The following SLC9B1 variants were observed in gnomAD, a reference collection of about 807,000 sequenced individuals.
The protein encoded by SLC9B1 is solute carrier family 9 member B1, also known as sodium/hydrogen exchanger 9B1.
A neutral mutation model predicts 51.7 loss-of-function variants in SLC9B1; 32 were observed. That is an observed-to-expected ratio of 0.62 (90% CI 0.47 to 0.83). The LOEUF (loss-of-function observed/expected upper bound fraction) is 0.83, where lower values mean the gene tolerates loss of function less well. SLC9B1 is among the 40% of genes least tolerant of loss of function. The pLI, the probability that SLC9B1 is intolerant of heterozygous loss-of-function variation, is 0.00. For missense variants in SLC9B1, 406 were observed against 613.2 expected, an observed-to-expected ratio of 0.66 and a Z score of 3.57; for synonymous variants, 145 against 212.7, an observed-to-expected ratio of 0.68 and a Z score of 2.77.
chr4:102,964,254 A>G (rs1738301758), intron 3 of SLC9B1, among the ~76,000 whole-genome samples: 3 of 151,620 alleles, frequency 2.0e-5, no homozygotes, highest in Admixed American at 2.0e-4. Flanking sequence ...TCAAGGAAAA[A>G]GGAAAAAAAA....
intron 7 of SLC9B1, among the ~76,000 whole-genome samples, chr4:102,930,474 A>T (rs1321783894): frequency 6.6e-6 from 1 of 152,182 alleles, no homozygotes; most frequent in Admixed American, 6.5e-5. Flanking sequence ...CAGGCTGGAT[A>T]GCTCACTACG....
intron 3 of SLC9B1, among the ~76,000 whole-genome samples, chr4:102,966,697 G>A (rs1738444765): frequency 6.6e-6 from 1 of 152,000 alleles, no homozygotes; most frequent in Admixed American, 6.6e-5. Flanking sequence ...ATGTCTTCAG[G>A]GCCTTTAAAA....
rs1459781577 is a variant in SLC9B1, at chr4:102,989,813, T to C, written c.198A>G (p.Val66=). 6.3e-7 allele frequency: 1 copy of C among 1,576,468 alleles called. No individual in the cohort carries two copies. The highest frequency in any genetic ancestry group is 2.3e-5 in the East Asian group (1 of 44,322). The change falls in exon 3 of 12, where the codon GTA becomes GTG. Residue 66 remains valine, a synonymous_variant. Coordinates refer to ENST00000296422, the MANE Select transcript of SLC9B1 (RefSeq NM_139173.4). ...ISCPLRGVLN[V]IITNGVILFV... ...TGTTTCACATACCATTTGTAATAAT[T>C]ACATTCAATACTCCTCTTAGAGGAC...
Position 103,019,635 on chromosome 4 carries a change from C to A in SLC9B1, c.-38G>T. On this transcript the variant is annotated 5_prime_UTR_variant, in exon 1 of 12. Coordinates refer to ENST00000296422, the MANE Select transcript of SLC9B1 (RefSeq NM_139173.4). ...TTCGCAGCCCTCGCTGGCCCGGGAG[C>A]GGCCCAGGAGCCCAGTGACCGTTGC... 1 of 985,468 alleles carries A rather than the reference C, an allele frequency of 1.0e-6. No homozygotes were observed. Among genetic ancestry groups the A allele is most frequent in the Non-Finnish European group, 1.2e-6 (1 of 829,964 alleles). The allele number at this position is 985,468 out of a possible 1,614,324, so 61.0% of individuals were successfully genotyped here. A position where few individuals can be genotyped will look rare whatever the true frequency, so the allele number is the denominator to read the frequency against.
At chr4:102,996,952 A>T (rs1578409729) in intron 1 of SLC9B1, among the ~76,000 whole-genome samples, 1 of 148,018 alleles carries the variant, frequency 6.8e-6, no homozygotes, top group Non-Finnish European at 1.5e-5. Context: ...ATGTCCAGCA[A>T]TTTTTTTTTT....
intron 3 of SLC9B1, chr4:102,963,381 C>G: frequency 4.7e-6 from 1 of 214,082 alleles, no homozygotes; most frequent in Non-Finnish European, 9.5e-6. Context: ...GAACAAGTGT[C>G]CTTCAGAACC....
chr4:102,931,673 C>A (rs1194287606), intron 7 of SLC9B1, among the ~76,000 whole-genome samples: 1 of 152,244 alleles, frequency 6.6e-6, no homozygotes, highest in East Asian at 1.9e-4. Context: ...AGGATCTTGT[C>A]CTAACACTAC....
intron 11 of SLC9B1, among the ~76,000 whole-genome samples, chr4:102,887,092 ATT>A (rs1005285750): frequency 6.6e-6 from 1 of 152,202 alleles, no homozygotes; most frequent in Non-Finnish European, 1.5e-5. Context: ...CCTGTTGTCT[ATT>A]TTAATCACTC....
intron 7 of SLC9B1, among the ~76,000 whole-genome samples, chr4:102,922,738 C>T (rs537357095): frequency 1.4e-4 from 21 of 152,232 alleles, no homozygotes; most frequent in Admixed American, 9.8e-4. Context: ...CCACTGAGCC[C>T]ATGGAAATAC....
chr4:102,916,515 T>C (rs1229244788), intron 7 of SLC9B1, among the ~76,000 whole-genome samples: 3 of 152,192 alleles, frequency 2.0e-5, no homozygotes, highest in Admixed American at 6.5e-5. Context: ...CTTTCAATTA[T>C]GGATACAATA....
downstream of SLC9B1, among the ~76,000 whole-genome samples, chr4:102,896,153 T>G (rs1384121826): frequency 6.6e-6 from 1 of 152,172 alleles, no homozygotes; most frequent in African/African-American, 2.4e-5. Context: ...CTCCATGCCA[T>G]GCTGCTGAGT....
chr4:102,977,297 T>TAAAAAAAAAAAAAAAAA (rs3974480), intron 3 of SLC9B1, among the ~76,000 whole-genome samples: 1 of 129,324 alleles, frequency 7.7e-6, no homozygotes. Flanking sequence ...TATTATAACT[T>TAAAAAAAAAAAAAAAAA]AAAAAAAAAA....
intron 11 of SLC9B1, among the ~76,000 whole-genome samples, chr4:102,886,679 G>C (rs886856419): frequency 9.9e-5 from 15 of 152,066 alleles, no homozygotes; most frequent in African/African-American, 3.6e-4. Flanking sequence ...GTGATGGCAT[G>C]ATCTCAGCTC....
At chr4:103,019,148 C>G (rs1019437842) in intron 1 of SLC9B1, among the ~76,000 whole-genome samples, 1 of 151,670 alleles carries the variant, frequency 6.6e-6, no homozygotes, top group Non-Finnish European at 1.5e-5. Flanking sequence ...GATTAAGGGG[C>G]GTGGATGTGG....
chr4:103,002,041 C>G (rs1308556158), intron 1 of SLC9B1, among the ~76,000 whole-genome samples: 2 of 152,154 alleles, frequency 1.3e-5, no homozygotes, highest in African/African-American at 4.8e-5. Flanking sequence ...ATTATCAGAT[C>G]TCATGAGAAT....
At position 102,906,642 on chromosome 4, in the gene SLC9B1, C is replaced by G; in HGVS notation, c.1089G>C (p.Met363Ile). ...IAGTKWSQEK[M>I]KVQKIITTVW... is the part of the protein sequence containing the mutation. ...CAGTCGTAATAATCTTTTGGACTTT[C>G]ATCTATAGAAAAGAGAAATACATTT... The change falls in exon 10 of 12, where the codon ATG becomes ATC. Residue 363 changes from methionine (M) to isoleucine (I), a missense_variant and splice_region_variant. Physicochemically the swap from Met to Ile is conservative, Grantham distance 10. Coordinates refer to ENST00000296422, the MANE Select transcript of SLC9B1 (RefSeq NM_139173.4). 2 of 1,531,768 alleles carry G rather than the reference C, an allele frequency of 1.3e-6. No individual in the cohort carries two copies. Among genetic ancestry groups the G allele is most frequent in the Non-Finnish European group, 1.8e-6 (2 of 1,127,942 alleles). 94.9% of individuals were successfully genotyped at this position (1,531,768 alleles called of 1,614,324 possible).
rs1208766382 is a variant in SLC9B1, at chr4:103,008,989, C to CG, written c.-2+10609dup. On this transcript the variant is annotated intron_variant, in intron 1 of 11. Transcript: ENST00000296422. ...TAATTTTTTGTATTTTTAGTAGAGA[C>CG]GGGTTTCACCGTGTTAGCCAGGATG... is the stretch of plus-strand genomic sequence containing the variant. Among the ~76,000 whole-genome samples, 6 of 151,898 alleles carry CG rather than the reference C, an allele frequency of 4.0e-5. No homozygotes were observed. The East Asian group carries it at 5.8e-4, about 15-fold the overall frequency.
At chr4:102,942,499 A>G (rs1737056581) in intron 6 of SLC9B1, among the ~76,000 whole-genome samples, 1 of 152,228 alleles carries the variant, frequency 6.6e-6, no homozygotes, top group Non-Finnish European at 1.5e-5. Context: ...AATGGAACAG[A>G]ATAGAGAACT....
At chr4:102,991,783 T>C (rs1739951244) in intron 1 of SLC9B1, 71 bp from the exon 2 acceptor site, 1 of 1,045,762 alleles carries the variant, frequency 9.6e-7, no homozygotes, top group Non-Finnish European at 1.3e-6. Flanking sequence ...CAAACATGGT[T>C]AAGTGGGATT....
Sources: allele counts gnomAD v4.1 joint callset (sites outside exome capture counted in the v4.1 genomes callset), GRCh38; gene constraint gnomAD v4.1.1; transcripts MANE v1.5; gene names NCBI Gene and HGNC (gene_info 2026-07-23, HGNC 2026-07-21).